ADAMTS20: variants seen among roughly 807,000 people sequenced by gnomAD.
ADAMTS20 encodes the protein A disintegrin and metalloproteinase with thrombospondin motifs 20.
A neutral mutation model predicts 260.1 loss-of-function variants in ADAMTS20; 225 were observed. The observed-to-expected ratio is 0.87, with a 90% confidence interval of 0.78 to 0.97. The LOEUF (loss-of-function observed/expected upper bound fraction) is 0.97. Ranked by LOEUF, ADAMTS20 falls within the 50% of genes least tolerant of loss-of-function variation. The probability of loss-of-function intolerance (pLI) is 0.00; values close to 1 mark genes in which losing one functional copy is unlikely to be tolerated. For synonymous variants in ADAMTS20, 802 were observed against 769.5 expected (o/e 1.04, Z -0.70); for missense variants, 2,400 against 2,337.7 (o/e 1.03, Z -0.55).
intron 28 of ADAMTS20, among the ~76,000 whole-genome samples, chr12:43,401,591 C>T (rs1940810486): frequency 6.6e-6 from 1 of 151,786 alleles, no homozygotes; most frequent in Admixed American, 6.6e-5. Context: ...GTCATCTTTG[C>T]TTCTCTCTCT....
intron 4 of ADAMTS20, among the ~76,000 whole-genome samples, chr12:43,494,339 C>T (rs1942647360): frequency 6.6e-6 from 1 of 152,170 alleles, no homozygotes; most frequent in South Asian, 2.1e-4. Context: ...TTAGAAGTAT[C>T]ACTACCGGAG....
intron 29 of ADAMTS20, among the ~76,000 whole-genome samples, chr12:43,391,829 G>A (rs541625537): frequency 4.7e-4 from 72 of 152,110 alleles, no homozygotes; most frequent in African/African-American, 1.2e-3. Context: ...TAAGAATTTC[G>A]TTTACCCAGT....
chr12:43,519,278 A>G (rs1194889144), intron 3 of ADAMTS20, among the ~76,000 whole-genome samples: 3 of 152,096 alleles, frequency 2.0e-5, no homozygotes, highest in Non-Finnish European at 4.4e-5. Flanking sequence ...CAACTGTTTA[A>G]TCTTCAGGAT....
chr12:43,532,555 G>GGT (rs1555141839), intron 2 of ADAMTS20, among the ~76,000 whole-genome samples: 1 of 137,326 alleles, frequency 7.3e-6, no homozygotes, highest in African/African-American at 2.7e-5. Context: ...TTTTTTTAAT[G>GGT]TTTTTTTTTT....
Position 43,488,092 on chromosome 12 carries a change from GTGT to G in ADAMTS20, c.1117+2300_1117+2302del, listed in dbSNP as rs567485613. On this transcript the variant is annotated intron_variant, in intron 7 of 38. Transcript: ENST00000389420. ...TTAGAAGAAGAGTTTTTTTGTTTTT[GTGT>G]TGTTGTTTTTAAATCAGGTACAACT... Among the ~76,000 whole-genome samples the G allele has an allele frequency of 3.1e-3, 476 of 152,010 alleles. 3 individuals are homozygous for G. The highest frequency in any genetic ancestry group is 6.8e-3 in the Middle Eastern group (2 of 294).
chr12:43,434,101 A>C, intron 19 of ADAMTS20, 144 bp downstream of exon 19: 1 of 879,606 alleles, frequency 1.1e-6, no homozygotes, highest in South Asian at 1.9e-5. Context: ...GTTTTACCAT[A>C]AAATAGTGAG....
intron 32 of ADAMTS20, 77 bp downstream of exon 32, chr12:43,377,278 CTAGTTAGACA>C: frequency 8.5e-7 from 1 of 1,181,870 alleles, no homozygotes; most frequent in South Asian, 2.0e-5. Context: ...CTCTGAGGAT[CTAGTTAGACA>C]TACAAACAGA....
intron 2 of ADAMTS20, among the ~76,000 whole-genome samples, chr12:43,548,632 G>C (rs1043366295): frequency 6.6e-6 from 1 of 152,006 alleles, no homozygotes; most frequent in East Asian, 1.9e-4. Context: ...ATCCGTTTTA[G>C]TGCTAATATA....
rs1940401896 is a variant in ADAMTS20 at position 43,383,596 on chromosome 12, G to T, written c.4759C>A (p.Pro1587Thr). Residue 1587 changes from proline to threonine, a missense_variant, in exon 31 of 39, where the codon CCT becomes ACT. Pro to Thr is a conservative substitution (Grantham distance 38, BLOSUM62 -1). Transcript: ENST00000389420. ...SLTSKNCRNP[P>T]CNYIVVTADS... Reference sequence around the variant, plus strand: ...GCTGTTACCACAATGTAATTGCAAGGAGGGTTCCTGCAATTCTTGGATGTA... The same window carrying T: ...GCTGTTACCACAATGTAATTGCAAGTAGGGTTCCTGCAATTCTTGGATGTA... The T allele has an allele frequency of 6.2e-7, 1 of 1,613,362 alleles. No individual in the cohort carries two copies. Among genetic ancestry groups the T allele is most frequent in the Non-Finnish European group, 8.5e-7 (1 of 1,179,660 alleles).
chr12:43,357,562 TA>T (rs1939771542), intron 37 of ADAMTS20, among the ~76,000 whole-genome samples: 1 of 152,222 alleles, frequency 6.6e-6, no homozygotes, highest in Admixed American at 6.5e-5. Context: ...ATTTCTCATT[TA>T]AAAACAAATG....
At chr12:43,388,948 G>A (rs1490273835) in intron 29 of ADAMTS20, among the ~76,000 whole-genome samples, 2 of 152,064 alleles carry the variant, frequency 1.3e-5, no homozygotes, top group Admixed American at 1.3e-4. Context: ...TAGCTTTCTG[G>A]GGTGTCCTTT....
intron 28 of ADAMTS20, among the ~76,000 whole-genome samples, chr12:43,401,614 T>C (rs540381176): frequency 2.0e-5 from 3 of 151,946 alleles, no homozygotes; most frequent in Non-Finnish European, 4.4e-5. Context: ...TTTGTTACTT[T>C]AATCTATTAA....
intron 2 of ADAMTS20, among the ~76,000 whole-genome samples, 153 bp from the exon 3 acceptor site, chr12:43,532,348 C>T (rs1943234783): frequency 6.6e-6 from 1 of 152,052 alleles, no homozygotes; most frequent in Non-Finnish European, 1.5e-5. Flanking sequence ...TTTCCCTTCC[C>T]TGGGTCACTT....
intron 6 of ADAMTS20, among the ~76,000 whole-genome samples, chr12:43,491,127 A>G (rs1276178703): frequency 6.6e-6 from 1 of 152,158 alleles, no homozygotes; most frequent in Non-Finnish European, 1.5e-5. Flanking sequence ...CATCGGTCCT[A>G]TAAGATTATA....
intron 18 of ADAMTS20, among the ~76,000 whole-genome samples, chr12:43,435,778 A>T (rs925151180): frequency 6.6e-6 from 1 of 152,028 alleles, no homozygotes; most frequent in Non-Finnish European, 1.5e-5. Flanking sequence ...ATGAGCAATA[A>T]ATAAACCTTT....
chr12:43,547,675 A>G (rs1050619415), intron 2 of ADAMTS20, among the ~76,000 whole-genome samples: 1 of 151,464 alleles, frequency 6.6e-6, no homozygotes, highest in Non-Finnish European at 1.5e-5. Flanking sequence ...TCACCAAACC[A>G]GTTTACCTGG....
intron 28 of ADAMTS20, among the ~76,000 whole-genome samples, chr12:43,419,798 A>G (rs191559228): frequency 6.6e-6 from 1 of 152,174 alleles, no homozygotes; most frequent in East Asian, 1.9e-4. Context: ...TAGAGTATCC[A>G]CTTAAATTTT....
intron 27 of ADAMTS20, 73 bp downstream of exon 27, chr12:43,427,235 G>A: frequency 6.6e-7 from 1 of 1,522,522 alleles, no homozygotes; most frequent in Non-Finnish European, 8.9e-7. Context: ...TTATTGAACA[G>A]TATAAGATGC....
chr12:43,545,164 C>G (rs1288945770), intron 2 of ADAMTS20, among the ~76,000 whole-genome samples: 1 of 152,164 alleles, frequency 6.6e-6, no homozygotes, highest in Non-Finnish European at 1.5e-5. Flanking sequence ...TCTTCCTTAC[C>G]CGCAGTAGGG....
Sources: gnomAD v4.1 joint callset for allele counts (sites outside exome capture counted in the v4.1 genomes callset) on GRCh38, gnomAD v4.1.1 for gene constraint, MANE v1.5 for transcripts, NCBI Gene and HGNC (gene_info 2026-07-23, HGNC 2026-07-21) for gene names.